SNX17: variants seen among roughly 807,000 people sequenced by gnomAD.
SNX17 encodes sorting nexin 17, also known as sorting nexin-17.
A neutral mutation model predicts 64.3 loss-of-function variants in SNX17; 35 were observed. The observed-to-expected ratio is 0.54, with a 90% CI of 0.42 to 0.72. The LOEUF (loss-of-function observed/expected upper bound fraction) is 0.72, where lower values mean the gene tolerates loss of function less well. Among genes scored for constraint, SNX17 ranks in the 30% least tolerant of loss-of-function variants. SNX17 has a pLI of 0.00. For missense variants in SNX17, 538 were observed against 610.0 expected, an observed-to-expected ratio of 0.88 and a Z score of 1.24; for synonymous variants, 259 against 230.2, an observed-to-expected ratio of 1.13 and a Z score of -1.13.
intron 3 of SNX17, 21 bp downstream of exon 3, chr2:27,372,761 A>T (rs367557816): frequency 6.2e-7 from 1 of 1,614,052 alleles, no homozygotes; most frequent in South Asian, 1.1e-5. Context: ...GCAGGAAACT[A>T]GGTTGACTAT....
At position 27,376,459 on chromosome 2, in the gene SNX17, C is replaced by T. The variant is rs778609419; in HGVS notation, c.1258-20C>T. On this transcript the variant is annotated intron_variant, in intron 13 of 14. Coordinates refer to ENST00000233575, the MANE Select transcript of SNX17 (RefSeq NM_014748.4). Reference sequence around the variant, plus strand: ...ACCTCTCCTAGTGAGTTTCTGACACCTCTGCCTCTTCTTCCCCAGGAGTCA... The same window carrying T: ...ACCTCTCCTAGTGAGTTTCTGACACTTCTGCCTCTTCTTCCCCAGGAGTCA... The T allele has an allele frequency of 3.5e-5, 57 of 1,614,046 alleles. No individual in the cohort carries two copies. The highest frequency in any genetic ancestry group is 1.5e-5 in the Non-Finnish European group (18 of 1,180,034).
chr2:27,370,730 G>A lies in SNX17; in HGVS notation c.-14G>A, dbSNP rs1572619616. On this transcript the variant is annotated 5_prime_UTR_variant, in exon 1 of 15. In the 5' UTR this introduces an upstream ATG that the reference lacks. Coordinates refer to ENST00000233575, the MANE Select transcript of SNX17 (RefSeq NM_014748.4). ...TCACAGTCCGGAGCCCGGCCGTGCC[G>A]TGCCGTAGGGAACATGCACTTTTCC... The A allele has an allele frequency of 4.5e-6, 7 of 1,547,124 alleles. No individual in the cohort carries two copies. The East Asian group carries it at 1.7e-4, about 38-fold the overall frequency.
chr2:27,371,086 G>A (rs1323059407), intron 1 of SNX17, among the ~76,000 whole-genome samples, 183 bp from the exon 2 acceptor site: 1 of 152,262 alleles, frequency 6.6e-6, no homozygotes, highest in African/African-American at 2.4e-5. Context: ...CAACACAAGC[G>A]TCCGAATTTC....
chr2:27,376,130 C>T lies in SNX17; in HGVS notation c.1129C>T (p.Gln377Ter), dbSNP rs1211698242. Residue 377 changes from glutamine to a stop codon, truncating the protein, a stop_gained, in exon 12 of 15, where the codon CAG becomes TAG. Coordinates refer to ENST00000233575, the MANE Select transcript of SNX17 (RefSeq NM_014748.4). LOFTEE classifies it high-confidence loss of function. ...PQAIMMSICL[Q>*]SMVDELMVKK... ...GGCTATCATGATGAGCATCTGCTTGCAGTCCATGGTTGATGAACTGATGGT... is the reference window on the plus strand; with the variant it reads ...GGCTATCATGATGAGCATCTGCTTGTAGTCCATGGTTGATGAACTGATGGT... 3.7e-6 allele frequency: 6 copies of T among 1,614,116 alleles called. No homozygotes were observed. In the Admixed American group the frequency reaches 1.0e-4, roughly 27 times the overall value.
At position 27,375,811 on chromosome 2, in the gene SNX17, G is replaced by A; in HGVS notation, c.979-35G>A. On this transcript the variant is annotated intron_variant, in intron 10 of 14. Coordinates refer to ENST00000233575, the MANE Select transcript of SNX17 (RefSeq NM_014748.4). This position sits in a 1 kb window ranked among gnomAD's most constrained non-coding sequence, Gnocchi z 4.1. Reference sequence around the variant, plus strand: ...GTCAGGGAGCCAGACAGGTTGGTCAGAGTGAACTCAACCGAATTCCCCTTC... The same window carrying A: ...GTCAGGGAGCCAGACAGGTTGGTCAAAGTGAACTCAACCGAATTCCCCTTC... 1 of 1,612,074 alleles carries A rather than the reference G, an allele frequency of 6.2e-7. No individual in the cohort carries two copies. The highest frequency in any genetic ancestry group is 2.2e-5 in the East Asian group (1 of 44,856).
Position 27,377,419 on chromosome 2 carries a change from C to G in SNX17, c.*700C>G, listed in dbSNP as rs752172050. On this transcript the variant is annotated 3_prime_UTR_variant, in exon 15 of 15. Transcript: ENST00000233575. This position sits in a 1 kb window ranked among gnomAD's most constrained non-coding sequence, Gnocchi z 4.4. ...AGGTCCCCTGGTCCATATGGGCCCC[C>G]CCGCCCATGGGGTTGGGCTGGTCCT... The G allele has an allele frequency of 7.5e-6, 8 of 1,069,856 alleles. No individual in the cohort carries two copies. In the Admixed American group the frequency reaches 1.6e-4, roughly 21 times the overall value. 66.3% of individuals were successfully genotyped at this position (1,069,856 alleles called of 1,614,324 possible). A position where few individuals can be genotyped will look rare whatever the true frequency, so the allele number is the denominator to read the frequency against.
chr2:27,376,303 C>T lies in SNX17; in HGVS notation c.1183-10C>T. The T allele has an allele frequency of 6.2e-6, 10 of 1,611,894 alleles. No individual in the cohort carries two copies. The highest frequency in any genetic ancestry group is 7.6e-6 in the Non-Finnish European group (9 of 1,178,428). Reference sequence around the variant, plus strand: ...TCCTGCCCTCACCGGCACCTTGTGTCTGTCCCCAGATGCTGCGCCGGCGGG... The same window carrying T: ...TCCTGCCCTCACCGGCACCTTGTGTTTGTCCCCAGATGCTGCGCCGGCGGG... On this transcript the variant is annotated splice_polypyrimidine_tract_variant and intron_variant, in intron 12 of 14. Transcript: ENST00000233575.
rs778700095 is a variant in SNX17, at chr2:27,377,456, C to T, written c.*737C>T. 2.0e-5 allele frequency: 29 copies of T among 1,434,710 alleles called. No individual in the cohort carries two copies. Among genetic ancestry groups the T allele is most frequent in the Middle Eastern group, 1.7e-4 (1 of 5,752 alleles). 88.9% of individuals were successfully genotyped at this position (1,434,710 alleles called of 1,614,324 possible). On this transcript the variant is annotated 3_prime_UTR_variant, in exon 15 of 15. Coordinates refer to ENST00000233575, the MANE Select transcript of SNX17 (RefSeq NM_014748.4). The surrounding 1 kb of genome is among the most constrained non-coding windows in gnomAD (Gnocchi z 4.4). ...GTTGGGCTGGTCCTTATAGTGCCTA[C>T]GTTAGTCTGTGTGGAGCCCCTGGCC...
Position 27,375,243 on chromosome 2 carries a change from A to G in SNX17, c.774+90A>G, listed in dbSNP as rs1224126585. 1 of 1,208,522 alleles carries G rather than the reference A, an allele frequency of 8.3e-7. No homozygotes were observed. Among genetic ancestry groups the G allele is most frequent in the East Asian group, 2.5e-5 (1 of 40,248 alleles). 74.9% of individuals were successfully genotyped at this position (1,208,522 alleles called of 1,614,324 possible). ...AAGCTCTGCCTCTCAGATTCATGCC[A>G]TTCTCCCGCCTCAGCCTCCCGAGTA... On this transcript the variant is annotated intron_variant, in intron 9 of 14. Coordinates refer to ENST00000233575, the MANE Select transcript of SNX17 (RefSeq NM_014748.4). The surrounding 1 kb of genome is among the most constrained non-coding windows in gnomAD (Gnocchi z 4.1).
intron 8 of SNX17, 146 bp from the exon 9 acceptor site, chr2:27,374,915 T>G: frequency 1.0e-6 from 1 of 969,770 alleles, no homozygotes; most frequent in Non-Finnish European, 1.6e-6. Flanking sequence ...TCCCTACTTT[T>G]ATTAAGCTGA....
chr2:27,371,202 G>A lies in SNX17; in HGVS notation c.64-67G>A. On this transcript the variant is annotated intron_variant, in intron 1 of 14. Coordinates refer to ENST00000233575, the MANE Select transcript of SNX17 (RefSeq NM_014748.4). ...CCGGCGAGTTGCCAGGCAACTTCCG[G>A]CCAGGGTTCTCAGGGGGGTTGCGCA... The A allele has an allele frequency of 3.4e-6, 5 of 1,457,984 alleles. 1 individual carries two copies. The South Asian group carries it at 5.7e-5, about 17-fold the overall frequency. The allele number at this position is 1,457,984 out of a possible 1,614,324, so 90.3% of individuals were successfully genotyped here.
In SNX17 at chr2:27,375,387, C is replaced by T. The variant is rs1469115923; in HGVS notation, c.775-119C>T. 9 of 1,060,006 alleles carry T rather than the reference C, an allele frequency of 8.5e-6. No individual in the cohort carries two copies. Among genetic ancestry groups the T allele is most frequent in the Admixed American group, 2.0e-5 (1 of 51,086 alleles). 65.7% of individuals were successfully genotyped at this position (1,060,006 alleles called of 1,614,324 possible). A position where few individuals can be genotyped will look rare whatever the true frequency, so the allele number is the denominator to read the frequency against. On this transcript the variant is annotated intron_variant, in intron 9 of 14. Transcript: ENST00000233575. The surrounding 1 kb of genome is among the most constrained non-coding windows in gnomAD (Gnocchi z 4.1). Reference sequence around the variant, plus strand: ...GCTCCTGACCTTGTGATCTGTCTGCCTCTGCCTCCTAAAGTGCTGGGATTA... The same window carrying T: ...GCTCCTGACCTTGTGATCTGTCTGCTTCTGCCTCCTAAAGTGCTGGGATTA...
chr2:27,370,705 T>C lies in SNX17; in HGVS notation c.-39T>C, dbSNP rs1370615918. 6.6e-7 allele frequency: 1 copy of C among 1,526,180 alleles called. No individual in the cohort carries two copies. Among genetic ancestry groups the C allele is most frequent in the Admixed American group, 2.0e-5 (1 of 49,220 alleles). 94.5% of individuals were successfully genotyped at this position (1,526,180 alleles called of 1,614,324 possible). The stretch of plus-strand genomic sequence containing the variant: ...GGAGCGTGCAGAGCCGCTGCGGCCC[T>C]CACAGTCCGGAGCCCGGCCGTGCCG... On this transcript the variant is annotated 5_prime_UTR_variant, in exon 1 of 15. Coordinates refer to ENST00000233575, the MANE Select transcript of SNX17 (RefSeq NM_014748.4).
Position 27,374,106 on chromosome 2 carries a change from C to T in SNX17, c.454C>T (p.Leu152Phe). ...CCAGGCTGTAGCTGCAAAGCTGGAT[C>T]TTCCAGATGACTTGATTGGATACTT... The part of the protein sequence containing the change: ...VLEAVAAKLD[L>F]PDDLIGYFSL... Residue 152 changes from leucine to phenylalanine, a missense_variant, in exon 6 of 15, where the codon CTT becomes TTT. Transcript: ENST00000233575. The T allele has an allele frequency of 4.3e-6, 7 of 1,614,230 alleles. No individual in the cohort carries two copies. The highest frequency in any genetic ancestry group is 5.9e-6 in the Non-Finnish European group (7 of 1,180,026).
chr2:27,375,437 C>T lies in SNX17; in HGVS notation c.775-69C>T, dbSNP rs1032578148. On this transcript the variant is annotated intron_variant, in intron 9 of 14. Coordinates refer to ENST00000233575, the MANE Select transcript of SNX17 (RefSeq NM_014748.4). This position sits in a 1 kb window ranked among gnomAD's most constrained non-coding sequence, Gnocchi z 4.1. Reference sequence around the variant, plus strand: ...ATAGGCATGAGCCACCGCGCCCGACCGGGGTTGCTTTTTCTGAGCTGCCCC... The same window carrying T: ...ATAGGCATGAGCCACCGCGCCCGACTGGGGTTGCTTTTTCTGAGCTGCCCC... 2.1e-5 allele frequency: 32 copies of T among 1,560,422 alleles called. No individual in the cohort carries two copies. Among genetic ancestry groups the T allele is most frequent in the East Asian group, 1.3e-4 (6 of 44,542 alleles).
intron 3 of SNX17, 123 bp downstream of exon 3, chr2:27,372,863 G>C: frequency 1.5e-6 from 2 of 1,359,296 alleles, no homozygotes; most frequent in Non-Finnish European, 2.1e-6. Context: ...TGTTTGATCT[G>C]TTATGCAGTT....
rs757922535 is a variant in SNX17, at chr2:27,376,532, C to T, written c.1299+12C>T. On this transcript the variant is annotated intron_variant, in intron 14 of 14. Transcript: ENST00000233575. Reference sequence around the variant, plus strand: ...TGGTCAAACTCTCAGTGAGTTCCAGCGTTGGTGAGGTTGCTGTTTGTTGGG... The same window carrying T: ...TGGTCAAACTCTCAGTGAGTTCCAGTGTTGGTGAGGTTGCTGTTTGTTGGG... 2.4e-5 allele frequency: 38 copies of T among 1,614,036 alleles called. No individual in the cohort carries two copies. Among genetic ancestry groups the T allele is most frequent in the East Asian group, 2.2e-5 (1 of 44,888 alleles).
In SNX17 at chr2:27,375,812, A is replaced by C. The variant is rs372487120; in HGVS notation, c.979-34A>C. 21 of 1,612,090 alleles carry C rather than the reference A, an allele frequency of 1.3e-5. No individual in the cohort carries two copies. In the East Asian group the frequency reaches 2.9e-4, roughly 22 times the overall value. On this transcript the variant is annotated intron_variant, in intron 10 of 14. Coordinates refer to ENST00000233575, the MANE Select transcript of SNX17 (RefSeq NM_014748.4). The surrounding 1 kb of genome is among the most constrained non-coding windows in gnomAD (Gnocchi z 4.1). ...TCAGGGAGCCAGACAGGTTGGTCAGAGTGAACTCAACCGAATTCCCCTTCC... is the reference window on the plus strand; with the variant it reads ...TCAGGGAGCCAGACAGGTTGGTCAGCGTGAACTCAACCGAATTCCCCTTCC...
At chr2:27,374,628 T>G (rs1441294642) in intron 7 of SNX17, 61 bp from the exon 8 acceptor site, 2 of 1,536,340 alleles carry the variant, frequency 1.3e-6, no homozygotes, top group Non-Finnish European at 1.8e-6. Flanking sequence ...CATTTTCCAT[T>G]CTACCTCTTG....
Sources: gnomAD v4.1 joint callset for allele counts (sites outside exome capture counted in the v4.1 genomes callset) on GRCh38, gnomAD v4.1.1 for gene constraint, Gnocchi (gnomAD v3.1) non-coding constraint, MANE v1.5 for transcripts, NCBI Gene and HGNC (gene_info 2026-07-23, HGNC 2026-07-21) for gene names.